Variants in YES1 observed in about 807,000 individuals in gnomAD.
YES1 encodes the protein tyrosine-protein kinase Yes.
YES1 carries 39 observed loss-of-function variants against 70.4 expected under a neutral mutation model. That is an observed-to-expected ratio of 0.55 (90% CI 0.43 to 0.72). The LOEUF (loss-of-function observed/expected upper bound fraction) is 0.72. YES1 is among the 30% of genes least tolerant of loss of function. YES1 has a pLI of 0.00. For missense variants in YES1, 495 were observed against 644.8 expected (o/e 0.77, Z 2.52); for synonymous variants, 198 against 218.6 (o/e 0.91, Z 0.83).
intron 1 of YES1, among the ~76,000 whole-genome samples, chr18:784,003 T>A (rs1013656612): frequency 6.6e-6 from 1 of 152,174 alleles, no homozygotes; most frequent in African/African-American, 2.4e-5. Context: ...ATCCATTTCC[T>A]TACATTAAGC....
chr18:756,575 A>G lies in YES1; in HGVS notation c.253T>C (p.Tyr85His). 2 of 1,614,222 alleles carry G rather than the reference A, an allele frequency of 1.2e-6. No individual in the cohort carries two copies. Among genetic ancestry groups the G allele is most frequent in the Non-Finnish European group, 1.7e-6 (2 of 1,180,040 alleles). Residue 85 changes from tyrosine (Y) to histidine (H), a missense_variant, in exon 2 of 12, where the codon TAT becomes CAT. Transcript: ENST00000314574. ...ATCTCACCTGTTAAACCAGCAGGAT[A>G]TGAACTTGGCACCACTGAAAATGAG... ...SSSFSVVPSS[Y>H]PAGLTGGVTI...
chr18:725,977 A>G (rs1181694926), intron 11 of YES1, among the ~76,000 whole-genome samples: 1 of 152,214 alleles, frequency 6.6e-6, no homozygotes, highest in African/African-American at 2.4e-5. Flanking sequence ...AAGGGAATTA[A>G]TATTCAGTGA....
chr18:732,301 G>A lies in YES1; in HGVS notation c.1423+533C>T, dbSNP rs1052174709. Among the ~76,000 whole-genome samples, 5 of 151,878 alleles carry A rather than the reference G, an allele frequency of 3.3e-5. No homozygotes were observed. The East Asian group carries it at 7.8e-4, about 24-fold the overall frequency. On this transcript the variant is annotated intron_variant, in intron 11 of 11. Coordinates refer to ENST00000314574, the MANE Select transcript of YES1 (RefSeq NM_005433.4). ...TAAAAATACAAAAAATTAGCTGGGT[G>A]TGGTGGTGGGTGCCTGTAATCCCAG...
intron 1 of YES1, among the ~76,000 whole-genome samples, chr18:791,686 A>G (rs535226045): frequency 6.6e-6 from 1 of 152,340 alleles, no homozygotes; most frequent in East Asian, 1.9e-4. Context: ...AACCTACTAT[A>G]TCAAAAATGT....
chr18:744,338 A>C (rs1042655776), intron 6 of YES1, among the ~76,000 whole-genome samples: 3 of 151,898 alleles, frequency 2.0e-5, no homozygotes, highest in African/African-American at 7.2e-5. Context: ...AATTTGTAAG[A>C]GGCATACCAA....
chr18:785,599 T>C (rs1568213897), intron 1 of YES1, among the ~76,000 whole-genome samples: 1 of 152,044 alleles, frequency 6.6e-6, no homozygotes, highest in Non-Finnish European at 1.5e-5. Flanking sequence ...AAAGTTCACG[T>C]GTTGGAAGCT....
Position 724,597 on chromosome 18 carries a change from G to A in YES1, c.1459C>T (p.Arg487Ter). ...VNREVLEQVE[R>*]GYRMPCPQGC... Reference sequence around the variant, plus strand: ...TGAGGGCACGGCATCCTGTATCCTCGCTCCACTTGTTCTAATACTTCACGG... The same window carrying A: ...TGAGGGCACGGCATCCTGTATCCTCACTCCACTTGTTCTAATACTTCACGG... Residue 487 changes from arginine (R) to a stop codon, truncating the protein, a stop_gained, in exon 12 of 12, where the codon CGA becomes TGA. Transcript: ENST00000314574. LOFTEE classifies it high-confidence loss of function. 1 of 1,614,040 alleles carries A rather than the reference G, an allele frequency of 6.2e-7. No homozygotes were observed. The highest frequency in any genetic ancestry group is 8.5e-7 in the Non-Finnish European group (1 of 1,179,984).
chr18:749,910 AATG>A (rs1403776584), intron 3 of YES1, among the ~76,000 whole-genome samples: 12 of 152,264 alleles, frequency 7.9e-5, no homozygotes, highest in African/African-American at 2.2e-4. Context: ...ACCAAAATTA[AATG>A]ATAATTCAGA....
chr18:734,804 A>C (rs554768826), intron 10 of YES1, among the ~76,000 whole-genome samples: 4 of 152,308 alleles, frequency 2.6e-5, no homozygotes, highest in African/African-American at 9.6e-5. Flanking sequence ...AACTCCTTAA[A>C]GAACGAAAAG....
rs747985513 is a variant in YES1, at chr18:756,640, C to T, written c.188G>A (p.Gly63Glu). ...AAAAGGCGTTACCCCTGAGGATCCTCCAAATGGTGTCATGGAAAGACTGCT... is the reference window on the plus strand; with the variant it reads ...AAAAGGCGTTACCCCTGAGGATCCTTCAAATGGTGTCATGGAAAGACTGCT... ...NFSSLSMTPFGGSSGVTPFGG... is the reference protein window; with the variant it reads ...NFSSLSMTPFEGSSGVTPFGG... Residue 63 changes from glycine to glutamate, a missense_variant, in exon 2 of 12, where the codon GGA becomes GAA. Gly to Glu is a moderately conservative substitution (Grantham distance 98). Coordinates refer to ENST00000314574, the MANE Select transcript of YES1 (RefSeq NM_005433.4). The T allele has an allele frequency of 1.9e-6, 3 of 1,614,166 alleles. No homozygotes were observed. In the East Asian group the frequency reaches 6.7e-5, roughly 36 times the overall value.
At chr18:811,266 T>A (rs1303964390) in intron 1 of YES1, among the ~76,000 whole-genome samples, 1 of 152,188 alleles carries the variant, frequency 6.6e-6, no homozygotes, top group Non-Finnish European at 1.5e-5. Flanking sequence ...AATTATACAG[T>A]ATGTTATTCC....
intron 1 of YES1, among the ~76,000 whole-genome samples, chr18:774,814 C>T (rs1347673025): frequency 9.2e-5 from 14 of 152,198 alleles, no homozygotes; most frequent in Admixed American, 9.2e-4. Context: ...CCAAAGACTT[C>T]CAATTGCACT....
At chr18:764,066 G>A (rs1367414466) in intron 1 of YES1, among the ~76,000 whole-genome samples, 3 of 149,120 alleles carry the variant, frequency 2.0e-5, no homozygotes, top group African/African-American at 7.4e-5. Context: ...CTTGCAGTGA[G>A]CCGAGATCAC....
chr18:745,813 C>T lies in YES1; in HGVS notation c.619G>A (p.Asp207Asn). ...CTAATTTTGTAGTGTTTCACATTGT[C>T]ACCCCTTATCTCATCCCAATCACGA... ...SIRDWDEIRG[D>N]NVKHYKIRKL... is the part of the protein sequence containing the mutation. Residue 207 changes from aspartate (D) to asparagine (N), a missense_variant, in exon 6 of 12, where the codon GAC (aspartate) becomes AAC (asparagine). By Grantham distance (23) the Asp-to-Asn change is conservative. Transcript: ENST00000314574. 1.2e-6 allele frequency: 2 copies of T among 1,612,908 alleles called. No individual in the cohort carries two copies. The highest frequency in any genetic ancestry group is 1.7e-6 in the Non-Finnish European group (2 of 1,179,760).
At chr18:757,012 A>C (rs971534265) in intron 1 of YES1, among the ~76,000 whole-genome samples, 177 bp from the exon 2 acceptor site, 2 of 152,192 alleles carry the variant, frequency 1.3e-5, no homozygotes, top group African/African-American at 4.8e-5. Flanking sequence ...TCTTTATTAC[A>C]ATTTGCAAAA....
intron 4 of YES1, among the ~76,000 whole-genome samples, chr18:747,226 T>C (rs1198137267): frequency 6.6e-6 from 1 of 152,208 alleles, no homozygotes; most frequent in African/African-American, 2.4e-5. Context: ...TCCTAGCACT[T>C]TGGAAGGCTG....
chr18:739,510 A>G lies in YES1; in HGVS notation c.1137+225T>C, dbSNP rs1436425920. 5 of 366,676 alleles carry G rather than the reference A, an allele frequency of 1.4e-5. No homozygotes were observed. In the Admixed American group the frequency reaches 1.9e-4, roughly 14 times the overall value. 22.7% of individuals were successfully genotyped at this position (366,676 alleles called of 1,614,324 possible). On this transcript the variant is annotated intron_variant, in intron 9 of 11. Coordinates refer to ENST00000314574, the MANE Select transcript of YES1 (RefSeq NM_005433.4). ...CCTAGCTACCCAGGAGGCTGAGGCG[A>G]GAGGATTGCTAGAGCCCAAGAATTC...
At chr18:770,256 C>A (rs1487933955) in intron 1 of YES1, among the ~76,000 whole-genome samples, 1 of 143,720 alleles carries the variant, frequency 7.0e-6, no homozygotes, top group Non-Finnish European at 1.5e-5. Flanking sequence ...CCACTGCGCC[C>A]GGCCCTTTTA....
rs576151239 is a variant in YES1, at chr18:735,702, G to A, written c.1291+1106C>T. The A allele has an allele frequency of 2.6e-5, 4 of 152,406 alleles. No homozygotes were observed. The East Asian group carries it at 5.8e-4, about 22-fold the overall frequency. The allele number at this position is 152,406 out of a possible 1,614,324, so 9.4% of individuals were successfully genotyped here. A position where few individuals can be genotyped will look rare whatever the true frequency, so the allele number is the denominator to read the frequency against. On this transcript the variant is annotated intron_variant, in intron 10 of 11. Coordinates refer to ENST00000314574, the MANE Select transcript of YES1 (RefSeq NM_005433.4). ...ACACTCCAGCCTGGGCTGGGCAACA[G>A]AGTGAGACTCCGTCTCAAAAAAACA...
Sources: allele counts gnomAD v4.1 joint callset (sites outside exome capture counted in the v4.1 genomes callset), GRCh38; gene constraint gnomAD v4.1.1; transcripts MANE v1.5; gene names NCBI Gene and HGNC (gene_info 2026-07-23, HGNC 2026-07-21).